Variants in LAMA3 observed in about 807,000 individuals in gnomAD.
LAMA3 encodes laminin subunit alpha-3.
Under a neutral mutation model 402.0 loss-of-function variants are expected in LAMA3, and 281 were observed. The ratio of observed to expected loss-of-function variants is 0.70; its 90% CI spans 0.63 to 0.77. The LOEUF (loss-of-function observed/expected upper bound fraction) is 0.77. Ranked by LOEUF, LAMA3 falls within the 30% of genes least tolerant of loss-of-function variation. LAMA3 has a pLI of 0.00. For synonymous variants in LAMA3, 1,431 were observed against 1,558.4 expected (o/e 0.92, Z 1.93); for missense variants, 3,840 against 4,215.5 (o/e 0.91, Z 2.47).
Position 23,713,956 on chromosome 18 carries a change from A to G in LAMA3, c.331A>G (p.Arg111Gly). The G allele has an allele frequency of 1.2e-6, 2 of 1,613,800 alleles. No homozygotes were observed. Among genetic ancestry groups the G allele is most frequent in the South Asian group, 1.1e-5 (1 of 91,056 alleles). The stretch of plus-strand genomic sequence containing the variant: ...TGACTATTGCAATTCTGAAGACCCC[A>G]GGAAAGCACATCCTGTCACCAATGC... ...FCDYCNSEDPRKAHPVTNAID... is the reference protein window; with the variant it reads ...FCDYCNSEDPGKAHPVTNAID... The change falls in exon 2 of 75, where the codon AGG becomes GGG. Residue 111 changes from arginine (R) to glycine (G), a missense_variant. Physicochemically the swap from Arg to Gly is moderately radical, Grantham distance 125. Transcript: ENST00000313654.
chr18:23,698,202 CTTTTTTT>C (rs755879182), intron 1 of LAMA3, among the ~76,000 whole-genome samples: 3 of 108,856 alleles, frequency 2.8e-5, no homozygotes, highest in African/African-American at 7.3e-5. Flanking sequence ...TCTTCTTCTT[CTTTTTTT>C]TTTTTTTTTT....
At chr18:23,758,306 A>G (rs2061892685) in intron 6 of LAMA3, 90 bp from the exon 7 acceptor site, 1 of 855,176 alleles carries the variant, frequency 1.2e-6, no homozygotes, top group African/African-American at 1.7e-5. Context: ...GATGACCGTG[A>G]TGACTCGTGT....
intron 72 of LAMA3, 124 bp from the exon 73 acceptor site, chr18:23,951,560 G>A (rs1042522629): frequency 2.8e-6 from 2 of 719,890 alleles, no homozygotes; most frequent in Non-Finnish European, 5.1e-6. Flanking sequence ...AAAAGCGGAG[G>A]AGGGCCAATA....
intron 20 of LAMA3, among the ~76,000 whole-genome samples, chr18:23,822,831 C>T (rs1351787850): frequency 6.6e-6 from 1 of 152,100 alleles, no homozygotes; most frequent in Non-Finnish European, 1.5e-5. Context: ...AGCATGAAGC[C>T]CAAATGAGTT....
At chr18:23,749,204 C>A (rs756034806) in intron 3 of LAMA3, among the ~76,000 whole-genome samples, 75 of 152,206 alleles carry the variant, frequency 4.9e-4, no homozygotes, top group Admixed American at 1.7e-3. Flanking sequence ...GGAGTTAGCA[C>A]TGCATCTCCA....
intron 69 of LAMA3, among the ~76,000 whole-genome samples, chr18:23,944,850 C>T (rs927286160): frequency 6.6e-6 from 1 of 152,158 alleles, no homozygotes; most frequent in Non-Finnish European, 1.5e-5. Flanking sequence ...TCTTAAAACT[C>T]TTGGCCAGGC....
At chr18:23,890,272 G>T (rs928457121) in intron 42 of LAMA3, among the ~76,000 whole-genome samples, 155 bp downstream of exon 42, 2 of 152,160 alleles carry the variant, frequency 1.3e-5, no homozygotes, top group Admixed American at 6.5e-5. Context: ...CAGCCAGCAA[G>T]CTGTCCCCTT....
At chr18:23,692,305 C>T (rs768982857) in intron 1 of LAMA3, among the ~76,000 whole-genome samples, 6 of 152,166 alleles carry the variant, frequency 3.9e-5, no homozygotes, top group African/African-American at 9.7e-5. Context: ...AAGTCTCTCT[C>T]GTCTCTCCCA....
chr18:23,822,349 G>A lies in LAMA3; in HGVS notation c.2402G>A (p.Gly801Asp). 2 of 1,613,858 alleles carry A rather than the reference G, an allele frequency of 1.2e-6. No homozygotes were observed. The highest frequency in any genetic ancestry group is 1.7e-6 in the Non-Finnish European group (2 of 1,179,784). ...YVNPGTEAVS[G>D]HITIYPSWGA... is the part of the protein sequence containing the mutation. Reference sequence around the variant, plus strand: ...AACCCTGGAACTGAAGCAGTATCTGGCCATATAACTATTTATCCATCCTGG... The same window carrying A: ...AACCCTGGAACTGAAGCAGTATCTGACCATATAACTATTTATCCATCCTGG... The change falls in exon 20 of 75, where the codon GGC becomes GAC. Residue 801 changes from glycine (G) to aspartate (D), a missense_variant. Gly to Asp is a moderately conservative substitution (Grantham distance 94). Coordinates refer to ENST00000313654, the MANE Select transcript of LAMA3 (RefSeq NM_198129.4).
At chr18:23,690,227 G>C (rs898939932) in intron 1 of LAMA3, among the ~76,000 whole-genome samples, 1 of 152,204 alleles carries the variant, frequency 6.6e-6, no homozygotes, top group East Asian at 1.9e-4. Flanking sequence ...GGTCAGGTTC[G>C]GGCTGGTGGA....
chr18:23,757,424 C>T (rs2061871120), intron 6 of LAMA3, among the ~76,000 whole-genome samples: 1 of 151,892 alleles, frequency 6.6e-6, no homozygotes, highest in African/African-American at 2.4e-5. Flanking sequence ...CTAACCCTTC[C>T]CCTCCCCTTC....
At chr18:23,768,420 A>G (rs987885632) in intron 8 of LAMA3, among the ~76,000 whole-genome samples, 1 of 152,246 alleles carries the variant, frequency 6.6e-6, no homozygotes, top group South Asian at 2.1e-4. Flanking sequence ...ATAGAAATGC[A>G]TGTCAAAACC....
At chr18:23,848,765 T>C (rs1167060508) in intron 32 of LAMA3, among the ~76,000 whole-genome samples, 5 of 152,208 alleles carry the variant, frequency 3.3e-5, no homozygotes, top group Non-Finnish European at 7.3e-5. Flanking sequence ...AATTTATTCT[T>C]ACACATTTCT....
At chr18:23,695,104 A>G (rs962533829) in intron 1 of LAMA3, among the ~76,000 whole-genome samples, 1 of 152,192 alleles carries the variant, frequency 6.6e-6, no homozygotes. Flanking sequence ...GCTGAACCCA[A>G]TGCCCAGGAC....
chr18:23,857,127 G>C (rs533796365), intron 32 of LAMA3, among the ~76,000 whole-genome samples: 1 of 152,192 alleles, frequency 6.6e-6, no homozygotes, highest in African/African-American at 2.4e-5. Context: ...TCCCTCATAG[G>C]TATGAAAAGC....
chr18:23,713,198 G>A (rs1009434546), intron 1 of LAMA3, among the ~76,000 whole-genome samples: 5 of 152,170 alleles, frequency 3.3e-5, no homozygotes, highest in African/African-American at 1.2e-4. Context: ...TTCACAGCCA[G>A]CCACATCTCT....
chr18:23,780,908 A>T lies in LAMA3; in HGVS notation c.1469-3115A>T, dbSNP rs566588468. On this transcript the variant is annotated intron_variant, in intron 11 of 74. Transcript: ENST00000313654. ...ATGAAAAGGTTGATATTTTTGAAAT[A>T]TCACTCTTGACACCAGCATGGAGAA... Among the ~76,000 whole-genome samples, 8 of 152,338 alleles carry T rather than the reference A, an allele frequency of 5.3e-5. No individual in the cohort carries two copies. In the South Asian group the frequency reaches 1.7e-3, roughly 32 times the overall value.
rs80356678 is a variant in LAMA3, at chr18:23,873,194, T to TG, written c.4998+1534dup. ...GTCAAAGTCAACTGCAAGCGAGTTA[T>TG]GTGGAGTTTAGACCCAGCCAGGTAA... is the stretch of plus-strand genomic sequence containing the variant. On this transcript the variant is annotated intron_variant, in intron 38 of 74. Transcript: ENST00000313654. The TG allele has an allele frequency of 8.7e-6, 14 of 1,614,094 alleles. No individual in the cohort carries two copies. In the South Asian group the frequency reaches 1.5e-4, roughly 18 times the overall value.
At chr18:23,730,528 C>T (rs2061376655) in intron 2 of LAMA3, among the ~76,000 whole-genome samples, 1 of 152,008 alleles carries the variant, frequency 6.6e-6, no homozygotes, top group Non-Finnish European at 1.5e-5. Flanking sequence ...CCATCACGCC[C>T]AGCTAATTTT....
Sources: allele counts gnomAD v4.1 joint callset (sites outside exome capture counted in the v4.1 genomes callset), GRCh38; gene constraint gnomAD v4.1.1; transcripts MANE v1.5; gene names NCBI Gene and HGNC (gene_info 2026-07-23, HGNC 2026-07-21).